Variants in NAV2 observed in about 807,000 individuals in gnomAD.
The protein encoded by NAV2 is neuron navigator 2.
NAV2 carries 54 observed loss-of-function variants against 223.2 expected under a neutral mutation model. That is an observed-to-expected ratio of 0.24 (90% CI 0.19 to 0.30). The LOEUF is 0.30. Ranked by LOEUF, NAV2 falls within the 10% of genes least tolerant of loss-of-function variation. The probability of loss-of-function intolerance (pLI) is 1.00; values close to 1 mark genes in which losing one functional copy is unlikely to be tolerated. For synonymous variants in NAV2, 1,279 were observed against 1,239.3 expected, an observed-to-expected ratio of 1.03 and a Z score of -0.67; for missense variants, 2,806 against 3,147.5, an observed-to-expected ratio of 0.89 and a Z score of 2.60.
rs534454599 is a variant in NAV2, at chr11:19,706,541, T to A, written c.76-125943T>A. 4.6e-5 allele frequency among the ~76,000 whole-genome samples: 7 copies of A among 152,342 alleles called. No individual in the cohort carries two copies. In the South Asian group the frequency reaches 1.2e-3, roughly 27 times the overall value. On this transcript the variant is annotated intron_variant, in intron 1 of 37. Coordinates refer to the NAV2 transcript ENST00000360655. Reference sequence around the variant, plus strand: ...GTCATTCATTTATTCCCCTGTTTGGTTTCCCTACTAGATTGTGAGTTGTTT... The same window carrying A: ...GTCATTCATTTATTCCCCTGTTTGGATTCCCTACTAGATTGTGAGTTGTTT...
In NAV2 at chr11:19,713,507, G is replaced by C; in HGVS notation, c.-189G>C. 1 of 1,376,332 alleles carries C rather than the reference G, an allele frequency of 7.3e-7. No individual in the cohort carries two copies. Among genetic ancestry groups the C allele is most frequent in the Non-Finnish European group, 9.3e-7 (1 of 1,070,598 alleles). The allele number at this position is 1,376,332 out of a possible 1,614,324, so 85.3% of individuals were successfully genotyped here. ...GTGGCCAGTCCCCCATTCCCATCCC[G>C]GCACCCCAAAGGCGCGCTCGCCCGA... On this transcript the variant is annotated 5_prime_UTR_variant, in exon 1 of 38. Coordinates refer to ENST00000349880, the MANE Select transcript of NAV2 (RefSeq NM_145117.5). The surrounding 1 kb of genome is among the most constrained non-coding windows in gnomAD (Gnocchi z 7.2).
chr11:20,113,821 C>T (rs1206338233), intron 36 of NAV2, among the ~76,000 whole-genome samples: 2 of 151,862 alleles, frequency 1.3e-5, no homozygotes, highest in Non-Finnish European at 2.9e-5. Context: ...CCAGCCTGGG[C>T]AATATAGAGA....
In NAV2 at chr11:20,089,129, A is replaced by T. The variant is rs1316919147; in HGVS notation, c.5499-1736A>T. ...AAAGACATTTCTGTCTCGCCCTTTT[A>T]GTCCTGAATCTATTGGCTTCAGTCT... is the stretch of plus-strand genomic sequence containing the variant. On this transcript the variant is annotated intron_variant, in intron 26 of 37. Coordinates refer to ENST00000349880, the MANE Select transcript of NAV2 (RefSeq NM_145117.5). Among the ~76,000 whole-genome samples, 31 of 152,324 alleles carry T rather than the reference A, an allele frequency of 2.0e-4. 1 individual carries two copies. The South Asian group carries it at 6.0e-3, about 30-fold the overall frequency.
At chr11:19,496,376 T>A (rs2042793556) in intron 1 of NAV2, among the ~76,000 whole-genome samples, 1 of 152,182 alleles carries the variant, frequency 6.6e-6, no homozygotes, top group Non-Finnish European at 1.5e-5. Context: ...TTCAAGATGT[T>A]TTCTGGGGCT....
intron 22 of NAV2, among the ~76,000 whole-genome samples, chr11:20,072,239 G>A (rs981130989): frequency 6.6e-6 from 1 of 152,180 alleles, no homozygotes; most frequent in East Asian, 1.9e-4. Context: ...TCAAAGATCA[G>A]ATGGTTGTAG....
chr11:19,933,427 C>T lies in NAV2; in HGVS notation c.1183C>T (p.Pro395Ser). The change falls in exon 7 of 38, where the codon CCC becomes TCC. Residue 395 changes from proline (P) to serine (S), a missense_variant. Around this residue, in one of 4 missense-constraint regions of NAV2, gnomAD observed 1,167 missense variants for 1,180.5 expected, o/e 0.99. Transcript: ENST00000349880. The surrounding 1 kb of genome is among the most constrained non-coding windows in gnomAD (Gnocchi z 4.3). ...CACACCTGAAGCCATGAAGCCGGCC[C>T]CCAACAATCAGAAGTCCATGCTGGA... The part of the protein sequence containing the change: ...RPTPEAMKPA[P>S]NNQKSMLEKL... 1 of 1,588,126 alleles carries T rather than the reference C, an allele frequency of 6.3e-7. No homozygotes were observed. The highest frequency in any genetic ancestry group is 8.6e-7 in the Non-Finnish European group (1 of 1,167,786).
At chr11:19,993,122 G>T (rs898558309) in intron 11 of NAV2, among the ~76,000 whole-genome samples, 8 of 152,186 alleles carry the variant, frequency 5.3e-5, no homozygotes, top group African/African-American at 1.9e-4. Flanking sequence ...TCTGTGCCCT[G>T]CAATAGAAAA....
intron 1 of NAV2, among the ~76,000 whole-genome samples, chr11:19,759,667 T>A (rs2054565005): frequency 6.6e-6 from 1 of 152,162 alleles, no homozygotes; most frequent in African/African-American, 2.4e-5. Context: ...CTAGCTATGT[T>A]TTCTTGGGCA....
chr11:19,961,696 T>A (rs1236436967), intron 10 of NAV2, among the ~76,000 whole-genome samples: 7 of 152,200 alleles, frequency 4.6e-5, no homozygotes. Context: ...GTGGCGCACC[T>A]CTCAGGTGTG....
At chr11:19,443,941 AT>A (rs1207378782) in intron 1 of NAV2, among the ~76,000 whole-genome samples, 1 of 152,036 alleles carries the variant, frequency 6.6e-6, no homozygotes, top group East Asian at 1.9e-4. Flanking sequence ...CGTTATTATT[AT>A]TTTTTTGAGA....
intron 1 of NAV2, among the ~76,000 whole-genome samples, chr11:19,761,786 T>A (rs2054767068): frequency 6.6e-6 from 1 of 152,214 alleles, no homozygotes; most frequent in Non-Finnish European, 1.5e-5. Context: ...ATCTCCACAT[T>A]TAACCTACCA....
At chr11:19,371,837 G>A (rs763686208) in intron 1 of NAV2, among the ~76,000 whole-genome samples, 2 of 147,994 alleles carry the variant, frequency 1.4e-5, no homozygotes, top group Non-Finnish European at 3.0e-5. Context: ...GAGTACAGTG[G>A]TGCAATCTCG....
chr11:19,854,246 G>T (rs929532270), intron 3 of NAV2, among the ~76,000 whole-genome samples: 1 of 152,164 alleles, frequency 6.6e-6, no homozygotes, highest in African/African-American at 2.4e-5. Flanking sequence ...AATTTGCCGT[G>T]AAGTGGAACT....
chr11:20,043,800 T>TC, intron 12 of NAV2, 181 bp from the exon 13 acceptor site: 1 of 567,952 alleles, frequency 1.8e-6, no homozygotes, highest in South Asian at 2.5e-5. Context: ...TATTTTTTTT[T>TC]CCAAAAAAAA....
intron 35 of NAV2, among the ~76,000 whole-genome samples, chr11:20,106,626 GTTGTTT>G (rs537124623): frequency 2.6e-4 from 39 of 149,608 alleles, no homozygotes; most frequent in Admixed American, 7.3e-4. Flanking sequence ...CTACTCAGTT[GTTGTTT>G]TTGTTTTTGT....
chr11:19,832,947 T>A lies in NAV2; in HGVS notation c.385+346T>A, dbSNP rs1460905173. Among the ~76,000 whole-genome samples the A allele has an allele frequency of 2.0e-5, 3 of 152,298 alleles. No homozygotes were observed. In the East Asian group the frequency reaches 5.8e-4, roughly 29 times the overall value. On this transcript the variant is annotated intron_variant, in intron 2 of 37. Transcript: ENST00000349880. ...CATTTCCCCCTTTGGATGGTACTTT[T>A]GTGGATTACTCTGGAAATATTTCCA...
At chr11:19,538,402 G>A (rs1391483827) in intron 1 of NAV2, among the ~76,000 whole-genome samples, 1 of 152,078 alleles carries the variant, frequency 6.6e-6, no homozygotes, top group Non-Finnish European at 1.5e-5. Flanking sequence ...GTACAGTGGG[G>A]CAGTCATGAC....
At chr11:19,747,619 C>T (rs1345785202) in intron 1 of NAV2, among the ~76,000 whole-genome samples, 1 of 152,206 alleles carries the variant, frequency 6.6e-6, no homozygotes, top group Non-Finnish European at 1.5e-5. Context: ...TTGGACCACT[C>T]AGCATTCAAT....
chr11:19,883,337 G>T (rs1442578658), intron 5 of NAV2, among the ~76,000 whole-genome samples: 2 of 152,116 alleles, frequency 1.3e-5, no homozygotes, highest in Non-Finnish European at 2.9e-5. Flanking sequence ...CTTCATAGAG[G>T]CTCACTTTGC....
Sources: allele counts gnomAD v4.1 joint callset (sites outside exome capture counted in the v4.1 genomes callset), GRCh38; gene constraint gnomAD v4.1.1; regional missense constraint gnomAD v4.1.1; non-coding constraint Gnocchi (gnomAD v3.1); transcripts MANE v1.5; gene names NCBI Gene and HGNC (gene_info 2026-07-23, HGNC 2026-07-21).